Variants in ALDH2 observed in about 807,000 individuals in gnomAD.
The protein encoded by ALDH2 is aldehyde dehydrogenase 2 family member.
In ALDH2, 44 loss-of-function variants were observed where a neutral mutation model predicts 59.6. The ratio of observed to expected loss-of-function variants is 0.74; its 90% confidence interval spans 0.58 to 0.95. The LOEUF (loss-of-function observed/expected upper bound fraction) is 0.95. Ranked by LOEUF, ALDH2 falls within the 40% of genes least tolerant of loss-of-function variation. The pLI, the probability that ALDH2 is intolerant of heterozygous loss-of-function variation, is 0.00. For missense variants in ALDH2, 570 were observed against 696.3 expected (o/e 0.82, Z 2.04); for synonymous variants, 291 against 284.0 (o/e 1.02, Z -0.25).
chr12:111,797,956 C>T, intron 9 of ALDH2, 122 bp from the exon 10 acceptor site: 1 of 1,187,574 alleles, frequency 8.4e-7, no homozygotes, highest in East Asian at 2.5e-5. Context: ...CTCTTCTGAT[C>T]TTGCTTTCTT....
chr12:111,798,554 A>G (rs1204523433), intron 10 of ALDH2, among the ~76,000 whole-genome samples: 3 of 151,908 alleles, frequency 2.0e-5, no homozygotes, highest in Non-Finnish European at 4.4e-5. Context: ...TTTTTCTTTC[A>G]GTCAGATTCT....
At chr12:111,796,380 A>T (rs979720164) in intron 9 of ALDH2, among the ~76,000 whole-genome samples, 9 of 151,700 alleles carry the variant, frequency 5.9e-5, no homozygotes, top group Non-Finnish European at 1.2e-4. Context: ...AGATGTAGTG[A>T]TGCGTGCCTA....
chr12:111,805,061 C>G (rs1347129221), intron 12 of ALDH2, among the ~76,000 whole-genome samples: 1 of 152,046 alleles, frequency 6.6e-6, no homozygotes, highest in African/African-American at 2.4e-5. Context: ...CAAGGAGTAA[C>G]AGGTATCTGT....
intron 10 of ALDH2, 52 bp from the exon 11 acceptor site, chr12:111,799,854 T>C: frequency 6.3e-7 from 1 of 1,576,936 alleles, no homozygotes; most frequent in Non-Finnish European, 8.6e-7. Flanking sequence ...GAGAGCTCGA[T>C]GGCAGGTGCC....
Position 111,766,937 on chromosome 12 carries a change from C to T in ALDH2, c.-46C>T. 1 of 1,483,974 alleles carries T rather than the reference C, an allele frequency of 6.7e-7. No homozygotes were observed. The highest frequency in any genetic ancestry group is 1.5e-5 in the African/African-American group (1 of 68,924). The allele number at this position is 1,483,974 out of a possible 1,614,324, so 91.9% of individuals were successfully genotyped here. ...CGGGGTCGGCTCAGTGGCCCTGAGA[C>T]CCTAGCTCTGCTCTCGGTCCGCTCG... On this transcript the variant is annotated 5_prime_UTR_variant, in exon 1 of 13. Transcript: ENST00000261733.
chr12:111,795,782 AG>A (rs1163089353), intron 9 of ALDH2, among the ~76,000 whole-genome samples: 1 of 151,358 alleles, frequency 6.6e-6, no homozygotes, highest in Admixed American at 6.6e-5. Context: ...TAGTAGAGAC[AG>A]GGTTTCACCA....
chr12:111,769,195 A>G (rs1023160920), intron 1 of ALDH2, among the ~76,000 whole-genome samples: 1 of 152,104 alleles, frequency 6.6e-6, no homozygotes, highest in Non-Finnish European at 1.5e-5. Context: ...TCTTTATCAG[A>G]CTTTTTGAGA....
intron 9 of ALDH2, among the ~76,000 whole-genome samples, chr12:111,796,194 C>CAG (rs1555263406): frequency 6.6e-6 from 1 of 151,902 alleles, no homozygotes; most frequent in Non-Finnish European, 1.5e-5. Flanking sequence ...TGGTGGTGGG[C>CAG]GCCTATAATC....
Position 111,767,019 on chromosome 12 carries a change from GGCCGCCGCCTCTTGTCA to G in ALDH2, c.47_63del (p.Leu16HisfsTer23). 5 of 1,524,472 alleles carry G rather than the reference GGCCGCCGCCTCTTGTCA, an allele frequency of 3.3e-6. No individual in the cohort carries two copies. The highest frequency in any genetic ancestry group is 4.4e-6 in the Non-Finnish European group (5 of 1,142,038). The allele number at this position is 1,524,472 out of a possible 1,614,324, so 94.4% of individuals were successfully genotyped here. A position where few individuals can be genotyped will look rare whatever the true frequency, so the allele number is the denominator to read the frequency against. On this transcript the variant is annotated frameshift_variant, in exon 1 of 13. Coordinates refer to ENST00000261733, the MANE Select transcript of ALDH2 (RefSeq NM_000690.4). LOFTEE classifies it high-confidence loss of function. Reference sequence around the variant, plus strand: ...TGCCGCCCGCTTCGGGCCCCGCCTGGGCCGCCGCCTCTTGTCAGCCGCCGCCACCCAGGCCGTGCCTG... The same window carrying G: ...TGCCGCCCGCTTCGGGCCCCGCCTGGGCCGCCGCCACCCAGGCCGTGCCTG...
intron 11 of ALDH2, among the ~76,000 whole-genome samples, chr12:111,801,272 A>G (rs2068449241): frequency 6.6e-6 from 1 of 152,218 alleles, no homozygotes; most frequent in African/African-American, 2.4e-5. Flanking sequence ...CCATGATTCA[A>G]TTACCTCCCA....
chr12:111,792,651 T>C lies in ALDH2; in HGVS notation c.952T>C (p.Cys318Arg). The change falls in exon 9 of 13, where the codon TGC (cysteine) becomes CGC (arginine). Residue 318 changes from cysteine to arginine, a missense_variant. Transcript: ENST00000261733. ...CGCCCTGTTCTTCAACCAGGGCCAG[T>C]GCTGCTGTGCCGGCTCCCGGACCTT... ...HFALFFNQGQCCCAGSRTFVQ... is the reference protein window; with the variant it reads ...HFALFFNQGQRCCAGSRTFVQ... 1 of 1,612,862 alleles carries C rather than the reference T, an allele frequency of 6.2e-7. No individual in the cohort carries two copies. Among genetic ancestry groups the C allele is most frequent in the Admixed American group, 1.7e-5 (1 of 59,926 alleles).
Position 111,789,870 on chromosome 12 carries a change from T to C in ALDH2, c.488T>C (p.Ile163Thr), listed in dbSNP as rs746940858. ...AAGTACCACGGGAAAACCATCCCCATTGACGGAGACTTCTTCAGCTACACA... is the reference window on the plus strand; with the variant it reads ...AAGTACCACGGGAAAACCATCCCCACTGACGGAGACTTCTTCAGCTACACA... Reference protein sequence around the residue: ...ADKYHGKTIPIDGDFFSYTRH... With the variant: ...ADKYHGKTIPTDGDFFSYTRH... Residue 163 changes from isoleucine (I) to threonine (T), a missense_variant, in exon 5 of 13, where the codon ATT becomes ACT. Physicochemically the swap from Ile to Thr is moderately conservative, Grantham distance 89 (BLOSUM62 -1). Coordinates refer to ENST00000261733, the MANE Select transcript of ALDH2 (RefSeq NM_000690.4). 12 of 1,614,076 alleles carry C rather than the reference T, an allele frequency of 7.4e-6. No homozygotes were observed. In the African/African-American group the frequency reaches 9.3e-5, roughly 13 times the overall value.
chr12:111,799,472 T>A (rs551809595), intron 10 of ALDH2, among the ~76,000 whole-genome samples: 205 of 136,058 alleles, frequency 1.5e-3, no homozygotes, highest in African/African-American at 4.7e-3. Flanking sequence ...TGGCCAAAAA[T>A]TTTTTTTTTT....
chr12:111,772,856 C>T (rs1177494955), intron 1 of ALDH2, among the ~76,000 whole-genome samples: 1 of 150,960 alleles, frequency 6.6e-6, no homozygotes, highest in African/African-American at 2.4e-5. Flanking sequence ...TTAAGAGCCT[C>T]TATAGAAATA....
chr12:111,787,287 T>C (rs2068317587), intron 4 of ALDH2, among the ~76,000 whole-genome samples: 1 of 152,148 alleles, frequency 6.6e-6, no homozygotes, highest in South Asian at 2.1e-4. Context: ...CAAAAGGCCA[T>C]TGAGTCTCAC....
At chr12:111,778,306 A>T (rs958084788) in intron 1 of ALDH2, among the ~76,000 whole-genome samples, 1 of 152,158 alleles carries the variant, frequency 6.6e-6, no homozygotes, top group African/African-American at 2.4e-5. Context: ...GCACTTTGGG[A>T]GGCCGAGGTG....
intron 10 of ALDH2, 125 bp downstream of exon 10, chr12:111,798,367 A>G: frequency 2.0e-6 from 2 of 1,010,060 alleles, no homozygotes; most frequent in Non-Finnish European, 2.8e-6. Flanking sequence ...TTATACCCAG[A>G]ACCAGTGCCC....
At chr12:111,792,978 G>A (rs757521131) in intron 9 of ALDH2, among the ~76,000 whole-genome samples, 196 bp downstream of exon 9, 1 of 151,994 alleles carries the variant, frequency 6.6e-6, no homozygotes, top group Non-Finnish European at 1.5e-5. Flanking sequence ...TCATTCACAG[G>A]GTGGCTGTGA....
chr12:111,805,866 T>C (rs2068489444), intron 12 of ALDH2, among the ~76,000 whole-genome samples: 1 of 150,684 alleles, frequency 6.6e-6, no homozygotes, highest in South Asian at 2.1e-4. Flanking sequence ...CTACTAAAAA[T>C]ACAAAAATTA....
Sources: allele counts gnomAD v4.1 joint callset (sites outside exome capture counted in the v4.1 genomes callset), GRCh38; gene constraint gnomAD v4.1.1; transcripts MANE v1.5; gene names NCBI Gene and HGNC (gene_info 2026-07-23, HGNC 2026-07-21).